The following PARD3B variants were observed in gnomAD, a reference collection of about 807,000 sequenced individuals.
The protein encoded by PARD3B is par-3 family cell polarity regulator beta, also known as partitioning defective 3 homolog B.
A neutral mutation model predicts 130.2 loss-of-function variants in PARD3B; 103 were observed. The observed-to-expected ratio is 0.79, with a 90% CI of 0.67 to 0.93. The LOEUF (loss-of-function observed/expected upper bound fraction) is 0.93. PARD3B is among the 40% of genes least tolerant of loss of function. The pLI is 0.00. For synonymous variants in PARD3B, 583 were observed against 553.2 expected (o/e 1.05, Z -0.76); for missense variants, 1,609 against 1,499.2 (o/e 1.07, Z -1.21).
rs544782663 is a variant in PARD3B at position 205,356,690 on chromosome 2, A to G, written c.2631-44323A>G. ...CAGATTACTTGAGGCCAGGAGTTCA[A>G]CACCAGCCTGGCCAATATGGTGAAA... On this transcript the variant is annotated intron_variant, in intron 18 of 22. Coordinates refer to ENST00000406610, the MANE Select transcript of PARD3B (RefSeq NM_001302769.2). 5.9e-5 allele frequency among the ~76,000 whole-genome samples: 9 copies of G among 152,254 alleles called. No homozygotes were observed. The East Asian group carries it at 1.5e-3, about 26-fold the overall frequency.
At chr2:204,637,180 C>A (rs1372072641) in intron 1 of PARD3B, among the ~76,000 whole-genome samples, 1 of 151,924 alleles carries the variant, frequency 6.6e-6, no homozygotes, top group Non-Finnish European at 1.5e-5. Flanking sequence ...AAGAGGCTAC[C>A]AGGAGCATTT....
intron 16 of PARD3B, among the ~76,000 whole-genome samples, chr2:205,296,320 C>G (rs1336341065): frequency 2.0e-5 from 3 of 152,150 alleles, no homozygotes; most frequent in Non-Finnish European, 4.4e-5. Flanking sequence ...CAGTTTTATT[C>G]TCAATTATTC....
chr2:204,968,248 T>C (rs1258013544), intron 3 of PARD3B, among the ~76,000 whole-genome samples: 1 of 152,226 alleles, frequency 6.6e-6, no homozygotes, highest in East Asian at 1.9e-4. Context: ...TTACATCACA[T>C]TGAGCACCCA....
intron 2 of PARD3B, among the ~76,000 whole-genome samples, chr2:204,851,813 C>T (rs2044718987): frequency 6.6e-6 from 1 of 152,018 alleles, no homozygotes; most frequent in Admixed American, 6.6e-5. Flanking sequence ...CTGCCTCAGC[C>T]TCCCGAGTAG....
At chr2:205,279,506 A>G (rs2041106880) in intron 16 of PARD3B, among the ~76,000 whole-genome samples, 1 of 152,170 alleles carries the variant, frequency 6.6e-6, no homozygotes, top group Non-Finnish European at 1.5e-5. Flanking sequence ...TGGCATTATT[A>G]AAACATCAGA....
intron 1 of PARD3B, among the ~76,000 whole-genome samples, chr2:204,683,846 T>C (rs2036953718): frequency 6.6e-6 from 1 of 152,216 alleles, no homozygotes; most frequent in South Asian, 2.1e-4. Flanking sequence ...GTCAAATACA[T>C]GTTTCCAAAA....
In PARD3B at chr2:205,296,663, ATGTGTGTG is replaced by A. The variant is rs3048084; in HGVS notation, c.2186-3839_2186-3832del. ...CTTTAGTCTTGGAGTGTGTTTGTGT[ATGTGTGTG>A]TGTGTGTGTGTGTGTGTGTGTGTGT... On this transcript the variant is annotated intron_variant, in intron 16 of 22. Coordinates refer to ENST00000406610, the MANE Select transcript of PARD3B (RefSeq NM_001302769.2). Among the ~76,000 whole-genome samples, 1,248 of 138,028 alleles carry A rather than the reference ATGTGTGTG, an allele frequency of 9.0e-3. 21 individuals carry two copies. Among genetic ancestry groups the A allele is most frequent in the African/African-American group, 0.03 (1,162 of 38,328 alleles). 90.6% of individuals were successfully genotyped at this position (138,028 alleles called of 152,430 possible).
chr2:205,239,606 C>T (rs549145507), intron 15 of PARD3B, among the ~76,000 whole-genome samples: 11 of 152,150 alleles, frequency 7.2e-5, no homozygotes, highest in East Asian at 5.8e-4. Flanking sequence ...ATTGGATTTT[C>T]GCAACTTTCA....
At chr2:205,254,115 C>CTT (rs2039972605) in intron 16 of PARD3B, among the ~76,000 whole-genome samples, 1 of 126,700 alleles carries the variant, frequency 7.9e-6, no homozygotes, top group Non-Finnish European at 1.6e-5. Context: ...AAAAAAAAAG[C>CTT]TGAGATGCTC....
rs116708732 is a variant in PARD3B, at chr2:205,288,352, A to G, written c.2186-12178A>G. 8.5e-3 allele frequency among the ~76,000 whole-genome samples: 1,299 copies of G among 152,338 alleles called. 15 individuals carry two copies. The highest frequency in any genetic ancestry group is 0.03 in the African/African-American group (1,248 of 41,568). The stretch of plus-strand genomic sequence containing the variant: ...ATGACTAACCATGCTAAAAATGTAT[A>G]TGAAGAAATTAGAAGAAATTTGAAA... On this transcript the variant is annotated intron_variant, in intron 16 of 22. Coordinates refer to ENST00000406610, the MANE Select transcript of PARD3B (RefSeq NM_001302769.2). This position sits in a 1 kb window ranked among gnomAD's most constrained non-coding sequence, Gnocchi z 4.0.
intron 22 of PARD3B, among the ~76,000 whole-genome samples, chr2:205,597,289 T>G (rs1479501787): frequency 1.3e-5 from 2 of 152,208 alleles, no homozygotes; most frequent in African/African-American, 4.8e-5. Context: ...TGGTTTTCTA[T>G]CTCTACATTA....
chr2:205,063,402 A>G (rs1345138732), intron 4 of PARD3B, among the ~76,000 whole-genome samples: 2 of 152,116 alleles, frequency 1.3e-5, no homozygotes, highest in Admixed American at 6.6e-5. Context: ...AATTTGTTTG[A>G]TAAATTAATG....
chr2:204,721,501 T>G (rs556508705), intron 2 of PARD3B, among the ~76,000 whole-genome samples: 2 of 152,180 alleles, frequency 1.3e-5, no homozygotes, highest in Non-Finnish European at 2.9e-5. Flanking sequence ...TCTACATTTT[T>G]ATGAAAATGT....
chr2:204,886,600 G>A (rs1002247384), intron 2 of PARD3B, among the ~76,000 whole-genome samples: 1 of 152,084 alleles, frequency 6.6e-6, no homozygotes, highest in Non-Finnish European at 1.5e-5. Context: ...TATTAAGAAG[G>A]ACCTGCCTGG....
chr2:205,416,234 G>A (rs951865170), intron 19 of PARD3B, among the ~76,000 whole-genome samples: 1 of 152,006 alleles, frequency 6.6e-6, no homozygotes, highest in African/African-American at 2.4e-5. Flanking sequence ...ATGTGTGTGT[G>A]TCTTTGTGTG....
At chr2:204,866,033 CATT>C (rs1368771978) in intron 2 of PARD3B, among the ~76,000 whole-genome samples, 3 of 152,194 alleles carry the variant, frequency 2.0e-5, no homozygotes, top group African/African-American at 2.4e-5. Context: ...CATTCATCCT[CATT>C]GTGTACCTTC....
intron 2 of PARD3B, among the ~76,000 whole-genome samples, chr2:204,818,205 A>G (rs1201384504): frequency 2.0e-5 from 3 of 152,216 alleles, no homozygotes; most frequent in Admixed American, 2.0e-4. Context: ...TAGAATTACA[A>G]GAATTAACTA....
chr2:204,784,135 A>G (rs565160320), intron 2 of PARD3B, among the ~76,000 whole-genome samples: 1 of 152,146 alleles, frequency 6.6e-6, no homozygotes, highest in South Asian at 2.1e-4. Context: ...TTGATAAGCG[A>G]GTGATTGTTA....
chr2:204,792,995 T>G (rs2042249659), intron 2 of PARD3B, among the ~76,000 whole-genome samples: 1 of 152,108 alleles, frequency 6.6e-6, no homozygotes, highest in Admixed American at 6.5e-5. Flanking sequence ...TCTTTTAGAT[T>G]TCTTTAGGCT....
Sources: gnomAD v4.1 joint callset for allele counts (sites outside exome capture counted in the v4.1 genomes callset) on GRCh38, gnomAD v4.1.1 for gene constraint, Gnocchi (gnomAD v3.1) non-coding constraint, MANE v1.5 for transcripts, NCBI Gene and HGNC (gene_info 2026-07-23, HGNC 2026-07-21) for gene names.